The following ESR1 variants were observed in gnomAD, a reference collection of about 807,000 sequenced individuals.
ESR1 encodes estrogen receptor 1.
ESR1 carries 12 observed loss-of-function variants against 52.7 expected under a neutral mutation model. The observed-to-expected ratio is 0.23, with a 90% CI of 0.15 to 0.37. ESR1 has a LOEUF of 0.37. Ranked by LOEUF, ESR1 falls within the 10% of genes least tolerant of loss-of-function variation. The probability of loss-of-function intolerance (pLI) is 1.00; values close to 1 mark genes in which losing one functional copy is unlikely to be tolerated. For synonymous variants in ESR1, 305 were observed against 316.8 expected (o/e 0.96, Z 0.39); for missense variants, 584 against 779.7 (o/e 0.75, Z 2.99).
chr6:151,680,808 GC>G (rs1451209645), intron 1 of ESR1, among the ~76,000 whole-genome samples: 1 of 152,166 alleles, frequency 6.6e-6, no homozygotes, highest in Non-Finnish European at 1.5e-5. Context: ...CTACAACAAT[GC>G]CTGGCACATG....
At chr6:151,742,264 T>C (rs1029147780) in intron 2 of ESR1, among the ~76,000 whole-genome samples, 6 of 152,180 alleles carry the variant, frequency 3.9e-5, no homozygotes, top group African/African-American at 1.4e-4. Flanking sequence ...TTCCTTTGGA[T>C]ATATATTCAG....
intron 4 of ESR1, among the ~76,000 whole-genome samples, chr6:151,988,468 T>C (rs185044590): frequency 1.3e-5 from 2 of 152,202 alleles, no homozygotes; most frequent in Admixed American, 6.5e-5. Flanking sequence ...ACTGCTCACC[T>C]CCTGTTGGGC....
At chr6:152,052,260 C>G (rs998087745) in intron 5 of ESR1, among the ~76,000 whole-genome samples, 2 of 152,098 alleles carry the variant, frequency 1.3e-5, no homozygotes, top group Non-Finnish European at 2.9e-5. Flanking sequence ...GGATCCACCC[C>G]GAACACCTCC....
At chr6:151,841,300 A>G (rs1784243388) in intron 1 of ESR1, among the ~76,000 whole-genome samples, 1 of 152,060 alleles carries the variant, frequency 6.6e-6, no homozygotes, top group South Asian at 2.1e-4. Context: ...TTCTCCTCCA[A>G]GTTCTCAAAG....
At chr6:151,938,176 C>T (rs2128504559) in intron 3 of ESR1, among the ~76,000 whole-genome samples, 1 of 152,192 alleles carries the variant, frequency 6.6e-6, no homozygotes, top group East Asian at 1.9e-4. Flanking sequence ...TCATGGGAAA[C>T]TGGAGAAATA....
At chr6:151,833,543 G>A (rs1047393081) in intron 1 of ESR1, among the ~76,000 whole-genome samples, 2 of 152,050 alleles carry the variant, frequency 1.3e-5, no homozygotes, top group Non-Finnish European at 2.9e-5. Flanking sequence ...ATGGATTTGG[G>A]AGGATTGGCA....
intron 3 of ESR1, among the ~76,000 whole-genome samples, chr6:151,913,222 T>C (rs1167814635): frequency 6.6e-6 from 1 of 152,220 alleles, no homozygotes; most frequent in Non-Finnish European, 1.5e-5. Flanking sequence ...CCTCGGCCTC[T>C]ACTCCCACCA....
chr6:151,904,475 G>C (rs796609339), intron 3 of ESR1, among the ~76,000 whole-genome samples: 1 of 152,076 alleles, frequency 6.6e-6, no homozygotes, highest in South Asian at 2.1e-4. Context: ...TGTTTCGTGG[G>C]GGATTCAAAA....
chr6:151,879,648 A>G (rs1429907689), intron 2 of ESR1, among the ~76,000 whole-genome samples: 2 of 152,198 alleles, frequency 1.3e-5, no homozygotes, highest in African/African-American at 4.8e-5. Flanking sequence ...AGTGTTTTCT[A>G]TATCCGGGGA....
chr6:151,865,941 G>A (rs921157362), intron 2 of ESR1, among the ~76,000 whole-genome samples: 2 of 152,202 alleles, frequency 1.3e-5, no homozygotes, highest in East Asian at 3.9e-4. Flanking sequence ...TTTCTGATGT[G>A]GGGCGCATCC....
chr6:151,807,816 T>G lies in ESR1; in HGVS notation c.-97T>G. On this transcript the variant is annotated 5_prime_UTR_variant, in exon 1 of 8. Coordinates refer to ENST00000206249, the MANE Select transcript of ESR1 (RefSeq NM_000125.4). ...GGCGGGACATGCGCTGCGTCGCCTC[T>G]AACCTCGGGCTGTGCTCTTTTTCCA... 2.7e-6 allele frequency: 3 copies of G among 1,131,430 alleles called. No individual in the cohort carries two copies. The highest frequency in any genetic ancestry group is 3.9e-6 in the Non-Finnish European group (3 of 770,836). The allele number at this position is 1,131,430 out of a possible 1,614,324, so 70.1% of individuals were successfully genotyped here. A position where few individuals can be genotyped will look rare whatever the true frequency, so the allele number is the denominator to read the frequency against.
At chr6:151,831,622 G>A (rs955513595) in intron 1 of ESR1, among the ~76,000 whole-genome samples, 2 of 152,158 alleles carry the variant, frequency 1.3e-5, no homozygotes, top group Non-Finnish European at 2.9e-5. Context: ...CTGGGTCCTT[G>A]ACTCCCTGTT....
chr6:151,827,974 CA>C (rs1279601841), intron 1 of ESR1, among the ~76,000 whole-genome samples: 1 of 152,178 alleles, frequency 6.6e-6, no homozygotes, highest in African/African-American at 2.4e-5. Context: ...TTCTTATTTT[CA>C]AATGAGGAAA....
intron 2 of ESR1, among the ~76,000 whole-genome samples, chr6:151,863,099 A>C (rs896510750): frequency 6.6e-6 from 1 of 152,146 alleles, no homozygotes; most frequent in Non-Finnish European, 1.5e-5. Context: ...TGGTGCCTCC[A>C]GCTTTGTTCT....
intron 3 of ESR1, among the ~76,000 whole-genome samples, chr6:151,885,838 G>C (rs1793751661): frequency 6.6e-6 from 1 of 152,230 alleles, no homozygotes. Context: ...CTGGGCAACA[G>C]AGTGAGACTC....
rs74441075 is a variant in ESR1, at chr6:151,837,908, T to G, written c.453-4689T>G. 7.0e-3 allele frequency among the ~76,000 whole-genome samples: 1,065 copies of G among 152,358 alleles called. 10 individuals are homozygous for G. The highest frequency in any genetic ancestry group is 0.024 in the African/African-American group (1,015 of 41,582). On this transcript the variant is annotated intron_variant, in intron 1 of 7. Transcript: ENST00000206249. ...AAAGGGATAGGGCTCGGTTAGGGTTTGTGAAGTCTCCCCTTAGGAAAGCAA... is the reference window on the plus strand; with the variant it reads ...AAAGGGATAGGGCTCGGTTAGGGTTGGTGAAGTCTCCCCTTAGGAAAGCAA...
At chr6:152,012,431 T>C (rs2042856888) in intron 5 of ESR1, among the ~76,000 whole-genome samples, 1 of 151,960 alleles carries the variant, frequency 6.6e-6, no homozygotes, top group Non-Finnish European at 1.5e-5. Context: ...GTCTCCACCC[T>C]GCACCAGCTG....
chr6:151,737,479 G>C (rs1037692933), intron 2 of ESR1, among the ~76,000 whole-genome samples: 4 of 152,128 alleles, frequency 2.6e-5, no homozygotes, highest in African/African-American at 4.8e-5. Context: ...AAAAGAAAAA[G>C]TTTCTCATAT....
intron 4 of ESR1, among the ~76,000 whole-genome samples, chr6:151,985,770 C>T (rs900585644): frequency 6.6e-5 from 10 of 152,078 alleles, no homozygotes; most frequent in East Asian, 5.8e-4. Context: ...TGCGTTCAAG[C>T]GATTCTCATG....
Sources: gnomAD v4.1 joint callset for allele counts (sites outside exome capture counted in the v4.1 genomes callset) on GRCh38, gnomAD v4.1.1 for gene constraint, MANE v1.5 for transcripts, NCBI Gene and HGNC (gene_info 2026-07-23, HGNC 2026-07-21) for gene names.